The following WWOX variants were observed in gnomAD, a reference collection of about 807,000 sequenced individuals.
WWOX encodes the protein WW domain containing oxidoreductase.
WWOX carries 69 observed loss-of-function variants against 46.2 expected under a neutral mutation model. The ratio of observed to expected loss-of-function variants is 1.49; its 90% confidence interval spans 1.23 to 1.82. WWOX has a LOEUF of 1.82. Ranked by LOEUF, WWOX falls within the 40% of genes most tolerant of loss-of-function variation. The pLI, the probability that WWOX is intolerant of heterozygous loss-of-function variation, is 0.00. For missense variants in WWOX, 919 were observed against 542.6 expected (o/e 1.69, Z -6.89); for synonymous variants, 359 against 202.6 (o/e 1.77, Z -6.56).
chr16:78,678,164 C>A (rs1014854196), intron 8 of WWOX, among the ~76,000 whole-genome samples: 9 of 152,236 alleles, frequency 5.9e-5, no homozygotes, highest in Non-Finnish European at 1.2e-4. Flanking sequence ...TCTCCTGGGT[C>A]CTGAGTACCA....
At chr16:79,004,475 G>C (rs1423060811) in intron 8 of WWOX, 1 of 152,272 alleles carries the variant, frequency 6.6e-6, no homozygotes, top group African/African-American at 2.4e-5. Flanking sequence ...CCCTGTTGGT[G>C]TTGGCCGTGT....
At chr16:78,339,446 A>G (rs4888784) in intron 5 of WWOX, among the ~76,000 whole-genome samples, 13,276 of 117,172 alleles carry the variant, frequency 0.11, 3,945 homozygotes, top group East Asian at 0.21. Context: ...CTTGGTGCAC[A>G]GGAATACTTG....
intron 5 of WWOX, among the ~76,000 whole-genome samples, chr16:78,308,184 A>G (rs2080169191): frequency 6.6e-6 from 1 of 152,204 alleles, no homozygotes; most frequent in South Asian, 2.1e-4. Context: ...GGCCAGCACC[A>G]TGCCACACAG....
intron 8 of WWOX, among the ~76,000 whole-genome samples, chr16:78,816,642 A>C (rs942637148): frequency 6.6e-6 from 1 of 151,096 alleles, no homozygotes; most frequent in African/African-American, 2.4e-5. Flanking sequence ...TAGCTGTGTC[A>C]CATTAAAAGC....
Position 78,983,248 on chromosome 16 carries a change from G to C in WWOX, c.1057-228360G>C, listed in dbSNP as rs181551883. On this transcript the variant is annotated intron_variant, in intron 8 of 8. Transcript: ENST00000566780. Reference sequence around the variant, plus strand: ...AAATTGTTTATCCTGAAATGAATGGGAAAACCTAAGCTGAAGAAAGGAAGT... The same window carrying C: ...AAATTGTTTATCCTGAAATGAATGGCAAAACCTAAGCTGAAGAAAGGAAGT... 8.9e-4 allele frequency among the ~76,000 whole-genome samples: 136 copies of C among 152,290 alleles called. No homozygotes were observed. The Middle Eastern group carries it at 0.017, about 19-fold the overall frequency.
intron 8 of WWOX, among the ~76,000 whole-genome samples, chr16:79,006,724 C>G (rs749991026): frequency 1.4e-4 from 21 of 152,088 alleles, no homozygotes; most frequent in Non-Finnish European, 2.2e-4. Flanking sequence ...TAGAGGGCAG[C>G]TTGTACCCTT....
At chr16:78,813,056 A>G (rs1214510864) in intron 8 of WWOX, among the ~76,000 whole-genome samples, 1 of 152,072 alleles carries the variant, frequency 6.6e-6, no homozygotes, top group Non-Finnish European at 1.5e-5. Flanking sequence ...TAGTTATAGG[A>G]AAATACTGAG....
At chr16:78,726,115 G>GCCTCCCTCCCTCCCTCCCTCTCTC (rs2048828735) in intron 8 of WWOX, among the ~76,000 whole-genome samples, 1 of 123,562 alleles carries the variant, frequency 8.1e-6, no homozygotes, top group Non-Finnish European at 1.7e-5. Flanking sequence ...CTCCCTCTCT[G>GCCTCCCTCCCTCCCTCCCTCTCTC]CCTCCCTCTC....
chr16:78,460,059 G>A (rs564289194), intron 8 of WWOX, among the ~76,000 whole-genome samples: 23 of 151,966 alleles, frequency 1.5e-4, no homozygotes, highest in African/African-American at 5.5e-4. Context: ...CGCCCACCTC[G>A]GCCTCCCAAA....
chr16:78,789,326 A>G (rs1183797872), intron 8 of WWOX, among the ~76,000 whole-genome samples: 2 of 152,202 alleles, frequency 1.3e-5, no homozygotes, highest in African/African-American at 2.4e-5. Flanking sequence ...ATTTTTCTAT[A>G]TAGTTTAAGG....
intron 8 of WWOX, among the ~76,000 whole-genome samples, chr16:78,823,479 C>G (rs2051561568): frequency 1.3e-5 from 2 of 152,118 alleles, no homozygotes; most frequent in African/African-American, 2.4e-5. Context: ...CATGGTGACC[C>G]ACATCTCAGG....
chr16:78,881,237 C>A (rs2044337644), intron 8 of WWOX, among the ~76,000 whole-genome samples: 1 of 152,072 alleles, frequency 6.6e-6, no homozygotes, highest in African/African-American at 2.4e-5. Context: ...CTCCTGGGCT[C>A]AAGCGATTCA....
intron 8 of WWOX, among the ~76,000 whole-genome samples, chr16:79,197,163 G>A (rs992609801): frequency 2.0e-5 from 3 of 152,118 alleles, no homozygotes; most frequent in Non-Finnish European, 2.9e-5. Context: ...GTACCATTCT[G>A]TCCTTCAGGT....
At chr16:78,914,954 A>C (rs931386704) in intron 8 of WWOX, among the ~76,000 whole-genome samples, 1 of 151,422 alleles carries the variant, frequency 6.6e-6, no homozygotes, top group African/African-American at 2.4e-5. Flanking sequence ...CCTGGTGGAG[A>C]GACAGAGAAT....
At chr16:78,116,223 C>T (rs182010306) in intron 4 of WWOX, among the ~76,000 whole-genome samples, 1 of 152,212 alleles carries the variant, frequency 6.6e-6, no homozygotes. Flanking sequence ...ACTTGTTGTG[C>T]TATCAAATAG....
Position 78,882,342 on chromosome 16 carries a change from C to G in WWOX, c.1057-329266C>G, listed in dbSNP as rs577389287. 5.1e-4 allele frequency among the ~76,000 whole-genome samples: 77 copies of G among 152,292 alleles called. No homozygotes were observed. The South Asian group carries it at 5.6e-3, about 11-fold the overall frequency. On this transcript the variant is annotated intron_variant, in intron 8 of 8. Transcript: ENST00000566780. ...AAACAGGTTCAGAGAAGTTAAGCGA[C>G]TTGCCCAAAATAGCACAGCAATCTG...
intron 8 of WWOX, among the ~76,000 whole-genome samples, chr16:78,710,104 C>T (rs2048407589): frequency 1.3e-5 from 2 of 152,012 alleles, no homozygotes; most frequent in African/African-American, 2.4e-5. Context: ...TTTCTTTTTG[C>T]TGGCAGTGAC....
Position 78,410,262 on chromosome 16 carries a change from A to G in WWOX, c.606-14608A>G, listed in dbSNP as rs142015750. Among the ~76,000 whole-genome samples, 9 of 152,304 alleles carry G rather than the reference A, an allele frequency of 5.9e-5. No homozygotes were observed. The East Asian group carries it at 1.4e-3, about 23-fold the overall frequency. ...GGAGCCAATTAAATCTCTTTTCATT[A>G]TAAATTATCCAGCCTCAGTTACTTC... On this transcript the variant is annotated intron_variant, in intron 6 of 8. Coordinates refer to ENST00000566780, the MANE Select transcript of WWOX (RefSeq NM_016373.4).
chr16:78,761,772 C>G (rs550106543), intron 8 of WWOX, among the ~76,000 whole-genome samples: 5 of 152,286 alleles, frequency 3.3e-5, no homozygotes, highest in African/African-American at 9.6e-5. Context: ...GTATTAACCC[C>G]TTGGTGTGAG....
Sources: gnomAD v4.1 joint callset for allele counts (sites outside exome capture counted in the v4.1 genomes callset) on GRCh38, gnomAD v4.1.1 for gene constraint, MANE v1.5 for transcripts, NCBI Gene and HGNC (gene_info 2026-07-23, HGNC 2026-07-21) for gene names.